Variants in CYP2C19 observed in about 807,000 individuals in gnomAD.
CYP2C19 encodes cytochrome P450 family 2 subfamily C member 19.
CYP2C19 carries 59 observed loss-of-function variants against 40.9 expected under a neutral mutation model. The ratio of observed to expected loss-of-function variants is 1.44; its 90% confidence interval spans 1.17 to 1.79. The LOEUF (loss-of-function observed/expected upper bound fraction) is 1.79, where lower values mean the gene tolerates loss of function less well. CYP2C19 is among the 40% of genes most tolerant of loss of function. The pLI is 0.00. For synonymous variants in CYP2C19, 253 were observed against 208.7 expected (o/e 1.21, Z -1.83); for missense variants, 754 against 596.9 (o/e 1.26, Z -2.74).
intron 6 of CYP2C19, among the ~76,000 whole-genome samples, chr10:94,824,179 A>C (rs1225396580): frequency 6.6e-6 from 1 of 152,246 alleles, no homozygotes; most frequent in Non-Finnish European, 1.5e-5. Context: ...TTATGTAGTC[A>C]GAATGATATA....
intron 5 of CYP2C19, among the ~76,000 whole-genome samples, chr10:94,788,180 A>G (rs1429710954): frequency 6.6e-6 from 1 of 151,774 alleles, no homozygotes; most frequent in South Asian, 2.1e-4. Flanking sequence ...TTCAGCATGA[A>G]CATTTTTGAT....
intron 6 of CYP2C19, among the ~76,000 whole-genome samples, chr10:94,830,512 G>T (rs1849316630): frequency 6.6e-6 from 1 of 152,132 alleles, no homozygotes; most frequent in Non-Finnish European, 1.5e-5. Flanking sequence ...CCCTGCTTCG[G>T]CTCCCGCAGG....
intron 6 of CYP2C19, among the ~76,000 whole-genome samples, chr10:94,828,138 T>G (rs1849261728): frequency 2.0e-5 from 3 of 152,194 alleles, no homozygotes; most frequent in Non-Finnish European, 2.9e-5. Flanking sequence ...ATGTATATTC[T>G]GTTGATTTGG....
intron 7 of CYP2C19, 48 bp from the exon 8 acceptor site, chr10:94,849,869 C>T (rs538385825): frequency 6.2e-7 from 1 of 1,609,768 alleles, no homozygotes; most frequent in Admixed American, 1.7e-5. Context: ...TTTCTTAAAC[C>T]TTCGTGACTT....
chr10:94,829,193 G>T (rs1244560925), intron 6 of CYP2C19, among the ~76,000 whole-genome samples: 1 of 152,102 alleles, frequency 6.6e-6, no homozygotes, highest in Non-Finnish European at 1.5e-5. Context: ...TGTATTTCCT[G>T]AATCTGAACG....
intron 6 of CYP2C19, among the ~76,000 whole-genome samples, chr10:94,837,960 G>C (rs1266367736): frequency 6.6e-6 from 1 of 152,138 alleles, no homozygotes; most frequent in African/African-American, 2.4e-5. Context: ...TGTCCTTGTA[G>C]ACTGCACTGG....
At position 94,815,858 on chromosome 10, in the gene CYP2C19, A is replaced by G. The variant is rs150539436; in HGVS notation, c.820-4638A>G. The stretch of plus-strand genomic sequence containing the variant: ...AATTTCAACTTTATAATGAATCTGC[A>G]GGCAATATTGAGTCCATGTACCTTT... On this transcript the variant is annotated intron_variant, in intron 5 of 8. Transcript: ENST00000371321. Among the ~76,000 whole-genome samples, 471 of 152,292 alleles carry G rather than the reference A, an allele frequency of 3.1e-3. 3 individuals are homozygous for G. The highest frequency in any genetic ancestry group is 0.011 in the African/African-American group (448 of 41,554).
chr10:94,853,302 T>C lies in CYP2C19; in HGVS notation c.*388T>C, dbSNP rs1849683018. 2.6e-6 allele frequency: 1 copy of C among 385,674 alleles called. No homozygotes were observed. Among genetic ancestry groups the C allele is most frequent in the East Asian group, 9.4e-5 (1 of 10,638 alleles). 23.9% of individuals were successfully genotyped at this position (385,674 alleles called of 1,614,324 possible). A position where few individuals can be genotyped will look rare whatever the true frequency, so the allele number is the denominator to read the frequency against. On this transcript the variant is annotated 3_prime_UTR_variant, in exon 9 of 9. Coordinates refer to ENST00000371321, the MANE Select transcript of CYP2C19 (RefSeq NM_000769.4). ...TTCCTTCCTTTGTGCATAATGCAGG[T>C]GACAAATTAAAGAAAATAGAGTTCC...
chr10:94,818,224 G>A (rs1028440982), intron 5 of CYP2C19, among the ~76,000 whole-genome samples: 1 of 144,984 alleles, frequency 6.9e-6, no homozygotes, highest in Admixed American at 6.9e-5. Context: ...ATTTCTGAGG[G>A]CTCTGTTCTG....
chr10:94,842,166 G>C (rs1445326987), intron 6 of CYP2C19, among the ~76,000 whole-genome samples: 1 of 152,028 alleles, frequency 6.6e-6, no homozygotes, highest in African/African-American at 2.4e-5. Context: ...ATATCTGGGT[G>C]CTCCATTTTT....
rs754612888 is a variant in CYP2C19 at position 94,852,956 on chromosome 10, G to A, written c.*42G>A. 7 of 1,603,310 alleles carry A rather than the reference G, an allele frequency of 4.4e-6. No individual in the cohort carries two copies. Among genetic ancestry groups the A allele is most frequent in the Non-Finnish European group, 6.0e-6 (7 of 1,172,242 alleles). ...TGGCTGCTCCTGTGCTGTCCCTGCA[G>A]CTCTCTTTCCTCTGGTCCAAATTTC... On this transcript the variant is annotated 3_prime_UTR_variant, in exon 9 of 9. Coordinates refer to ENST00000371321, the MANE Select transcript of CYP2C19 (RefSeq NM_000769.4).
At chr10:94,840,870 G>A (rs1254955098) in intron 6 of CYP2C19, among the ~76,000 whole-genome samples, 1 of 152,172 alleles carries the variant, frequency 6.6e-6, no homozygotes, top group Non-Finnish European at 1.5e-5. Flanking sequence ...CTTCAGTCTG[G>A]TGGCCACGCT....
intron 7 of CYP2C19, among the ~76,000 whole-genome samples, chr10:94,846,793 T>C (rs1849578567): frequency 6.6e-6 from 1 of 151,648 alleles, no homozygotes; most frequent in African/African-American, 2.4e-5. Context: ...ACCCATTAAC[T>C]CGTCATTTAG....
chr10:94,817,457 T>A (rs954509913), intron 5 of CYP2C19, among the ~76,000 whole-genome samples: 29 of 142,190 alleles, frequency 2.0e-4, no homozygotes, highest in Non-Finnish European at 3.7e-4. Flanking sequence ...TTGTTTGAGT[T>A]CATTGTAGAT....
At chr10:94,765,425 G>T (rs1230318629) in intron 1 of CYP2C19, among the ~76,000 whole-genome samples, 1 of 152,104 alleles carries the variant, frequency 6.6e-6, no homozygotes, top group Non-Finnish European at 1.5e-5. Flanking sequence ...ACAACTGGTT[G>T]TGTATGTTAA....
intron 4 of CYP2C19, 45 bp from the exon 5 acceptor site, chr10:94,781,776 C>A: frequency 5.7e-6 from 6 of 1,061,570 alleles, no homozygotes; most frequent in Admixed American, 3.3e-5. Context: ...GTATCTATAC[C>A]TTTATTAAAT....
At chr10:94,829,199 G>T (rs1041503884) in intron 6 of CYP2C19, among the ~76,000 whole-genome samples, 4 of 152,122 alleles carry the variant, frequency 2.6e-5, no homozygotes, top group African/African-American at 9.7e-5. Context: ...TCCTGAATCT[G>T]AACGTTGGCC....
intron 7 of CYP2C19, among the ~76,000 whole-genome samples, chr10:94,846,765 G>T (rs1329940567): frequency 6.6e-6 from 1 of 151,618 alleles, no homozygotes; most frequent in African/African-American, 2.4e-5. Flanking sequence ...GTATACATGT[G>T]CCATGCTGGT....
chr10:94,816,229 C>T (rs908097962), intron 5 of CYP2C19, among the ~76,000 whole-genome samples: 4 of 150,628 alleles, frequency 2.7e-5, no homozygotes, highest in Admixed American at 2.6e-4. Flanking sequence ...CTACACCATA[C>T]AGTATTTTTT....
Sources: gnomAD v4.1 joint callset for allele counts (sites outside exome capture counted in the v4.1 genomes callset) on GRCh38, gnomAD v4.1.1 for gene constraint, MANE v1.5 for transcripts, NCBI Gene and HGNC (gene_info 2026-07-23, HGNC 2026-07-21) for gene names.